The following TTC4 variants were observed in gnomAD, a reference collection of about 807,000 sequenced individuals.
The protein encoded by TTC4 is hsp70/Hsp90 co-chaperone CNS1 homolog.
Under a neutral mutation model 51.9 loss-of-function variants are expected in TTC4, and 36 were observed. The observed-to-expected ratio is 0.69, with a 90% confidence interval of 0.53 to 0.92. TTC4 has a LOEUF of 0.92. TTC4 is among the 40% of genes least tolerant of loss of function. The pLI is 0.00. For synonymous variants in TTC4, 144 were observed against 164.2 expected, an observed-to-expected ratio of 0.88 and a Z score of 0.94; for missense variants, 399 against 454.6, an observed-to-expected ratio of 0.88 and a Z score of 1.11.
intron 9 of TTC4, among the ~76,000 whole-genome samples, chr1:54,738,661 C>CTTTTTTTT (rs567268643): frequency 0.033 from 4,631 of 138,538 alleles, 268 homozygotes; most frequent in East Asian, 0.11. Context: ...CTAGGATGGC[C>CTTTTTTTT]TTTTTTTTTT....
intron 8 of TTC4, 111 bp from the exon 9 acceptor site, chr1:54,737,471 A>G: frequency 1.2e-6 from 1 of 845,100 alleles, no homozygotes; most frequent in Non-Finnish European, 1.9e-6. Flanking sequence ...CATATAAAGG[A>G]GGCATTCAAC....
At chr1:54,736,235 G>T (rs1415914760) in intron 8 of TTC4, among the ~76,000 whole-genome samples, 1 of 118,596 alleles carries the variant, frequency 8.4e-6, no homozygotes, top group Non-Finnish European at 1.6e-5. Context: ...GAGGAGAGGA[G>T]AGAGAAGAGA....
chr1:54,719,221 A>G (rs1423241292), intron 3 of TTC4, among the ~76,000 whole-genome samples: 2 of 140,784 alleles, frequency 1.4e-5, no homozygotes, highest in African/African-American at 5.7e-5. Flanking sequence ...TGGGACTCTG[A>G]CTGCTTCTTA....
intron 3 of TTC4, among the ~76,000 whole-genome samples, chr1:54,718,825 C>T (rs936652253): frequency 6.6e-6 from 1 of 152,014 alleles, no homozygotes; most frequent in Non-Finnish European, 1.5e-5. Context: ...AGGGGTCTCG[C>T]TATGTTGCCC....
At chr1:54,738,354 G>A (rs186873866) in intron 9 of TTC4, among the ~76,000 whole-genome samples, 42 of 152,320 alleles carry the variant, frequency 2.8e-4, no homozygotes, top group African/African-American at 8.7e-4. Context: ...ATGAGATTTG[G>A]TTGGGGATAC....
chr1:54,737,981 A>G (rs547517939), intron 9 of TTC4, among the ~76,000 whole-genome samples: 1 of 150,900 alleles, frequency 6.6e-6, no homozygotes, highest in African/African-American at 2.4e-5. Context: ...GCTCACTGCA[A>G]CCTCCACCTC....
chr1:54,721,266 A>C, intron 4 of TTC4, 26 bp downstream of exon 4: 1 of 1,608,884 alleles, frequency 6.2e-7, no homozygotes, highest in Non-Finnish European at 8.5e-7. Flanking sequence ...CTACAGTATG[A>C]CATTTAAAGC....
chr1:54,729,727 G>GT (rs71870069), intron 6 of TTC4, among the ~76,000 whole-genome samples: 39,230 of 144,368 alleles, frequency 0.27, 5,432 homozygotes, highest in South Asian at 0.36. Flanking sequence ...TATGGGATAG[G>GT]TTTTTTTTTT....
chr1:54,739,037 AT>A (rs557597436), intron 9 of TTC4, among the ~76,000 whole-genome samples: 88 of 144,302 alleles, frequency 6.1e-4, no homozygotes, highest in Admixed American at 1.0e-3. Flanking sequence ...CTTATTTTGA[AT>A]TTTTTTTTTT....
At chr1:54,737,545 T>C in intron 8 of TTC4, 37 bp from the exon 9 acceptor site, 2 of 1,604,844 alleles carry the variant, frequency 1.2e-6, no homozygotes, top group Non-Finnish European at 1.7e-6. Context: ...TGCCGAAGCC[T>C]TTATCTCTGA....
chr1:54,740,217 G>GTACT (rs1220698885), intron 9 of TTC4, among the ~76,000 whole-genome samples: 1 of 152,202 alleles, frequency 6.6e-6, no homozygotes, highest in Non-Finnish European at 1.5e-5. Context: ...GATTTGAAGT[G>GTACT]TACTGTTCAG....
rs1557753004 is a variant in TTC4 at position 54,736,226 on chromosome 1, A to T, written c.979-1356A>T. Among the ~76,000 whole-genome samples, 366 of 106,016 alleles carry T rather than the reference A, an allele frequency of 3.5e-3. 27 individuals are homozygous for T. The highest frequency in any genetic ancestry group is 0.016 in the African/African-American group (332 of 20,598). 69.6% of individuals were successfully genotyped at this position (106,016 alleles called of 152,430 possible). On this transcript the variant is annotated intron_variant, in intron 8 of 9. Transcript: ENST00000371281. ...AGAGAGAGAGAGAGAGAGAGAGAAGAGGAGAGGAGAGAGAAGAGAGGAGAG... is the reference window on the plus strand; with the variant it reads ...AGAGAGAGAGAGAGAGAGAGAGAAGTGGAGAGGAGAGAGAAGAGAGGAGAG...
intron 9 of TTC4, 82 bp downstream of exon 9, chr1:54,737,746 C>G: frequency 7.3e-7 from 1 of 1,370,182 alleles, no homozygotes; most frequent in Non-Finnish European, 1.0e-6. Flanking sequence ...TAAAGACATA[C>G]CTGAGACTGG....
Position 54,741,898 on chromosome 1 carries a change from CTG to C in TTC4, c.*386_*387del. The C allele has an allele frequency of 2.5e-5, 5 of 201,242 alleles. No homozygotes were observed. Among genetic ancestry groups the C allele is most frequent in the South Asian group, 2.2e-4 (2 of 8,966 alleles). The allele number at this position is 201,242 out of a possible 1,614,324, so 12.5% of individuals were successfully genotyped here. ...CACCTTAGAGAAGCTACCCCTCAAA[CTG>C]CACATCTACACACAAACAAACAATG... On this transcript the variant is annotated 3_prime_UTR_variant, in exon 10 of 10. Transcript: ENST00000371281.
At chr1:54,732,320 CAA>C (rs1180940323) in intron 7 of TTC4, among the ~76,000 whole-genome samples, 2 of 16,902 alleles carry the variant, frequency 1.2e-4, no homozygotes, top group Admixed American at 6.7e-4. Context: ...GACTCTGTCT[CAA>C]AAAAAAAAAA....
intron 1 of TTC4, 100 bp downstream of exon 1, chr1:54,716,119 G>A: frequency 1.1e-6 from 1 of 941,638 alleles, no homozygotes; most frequent in Non-Finnish European, 1.6e-6. Flanking sequence ...GATCCCTGGC[G>A]CTGCCAGCCG....
chr1:54,737,870 C>T (rs955366313), intron 9 of TTC4, among the ~76,000 whole-genome samples: 2 of 151,938 alleles, frequency 1.3e-5, no homozygotes, highest in Non-Finnish European at 2.9e-5. Flanking sequence ...ACGTGGATGG[C>T]GGAAGGCAAA....
At chr1:54,733,543 A>T (rs957461962) in intron 7 of TTC4, 86 bp from the exon 8 acceptor site, 6 of 1,044,188 alleles carry the variant, frequency 5.7e-6, no homozygotes, top group South Asian at 1.7e-5. Flanking sequence ...TACATTCTAG[A>T]TAACTTTGAA....
rs1295656890 is a variant in TTC4 at position 54,728,597 on chromosome 1, AC to A, written c.681+169del. Among the ~76,000 whole-genome samples the A allele has an allele frequency of 5.3e-5, 8 of 152,298 alleles. 1 individual carries two copies. In the East Asian group the frequency reaches 1.5e-3, roughly 29 times the overall value. On this transcript the variant is annotated intron_variant, in intron 6 of 9. Coordinates refer to ENST00000371281, the MANE Select transcript of TTC4 (RefSeq NM_004623.5). ...GGAGACCAGGCTCTGGAGTCAGGCC[AC>A]CCCAGTTCAGTCAGCTCTCTCATGT...
Sources: allele counts gnomAD v4.1 joint callset (sites outside exome capture counted in the v4.1 genomes callset), GRCh38; gene constraint gnomAD v4.1.1; transcripts MANE v1.5; gene names NCBI Gene and HGNC (gene_info 2026-07-23, HGNC 2026-07-21).